Variants in SF3B3 observed in about 807,000 individuals in gnomAD.
The protein encoded by SF3B3 is splicing factor 3b subunit 3, also known as SAP 130.
SF3B3 carries 33 observed loss-of-function variants against 139.2 expected under a neutral mutation model. The ratio of observed to expected loss-of-function variants is 0.24; its 90% CI spans 0.18 to 0.32. SF3B3 has a LOEUF of 0.32. Ranked by LOEUF, SF3B3 falls within the 10% of genes least tolerant of loss-of-function variation. SF3B3 has a pLI of 1.00. For synonymous variants in SF3B3, 596 were observed against 563.6 expected, an observed-to-expected ratio of 1.06 and a Z score of -0.81; for missense variants, 818 against 1,509.4, an observed-to-expected ratio of 0.54 and a Z score of 7.59.
intron 25 of SF3B3, 47 bp from the exon 26 acceptor site, chr16:70,571,626 T>C (rs201304291): frequency 1.4e-5 from 22 of 1,581,852 alleles, no homozygotes; most frequent in Non-Finnish European, 1.7e-5. Flanking sequence ...GCCATTTTCT[T>C]TGGGCATCTC....
rs2050498155 is a variant in SF3B3, at chr16:70,568,487, A to G, written c.3157A>G (p.Ile1053Val). 2 of 1,613,242 alleles carry G rather than the reference A, an allele frequency of 1.2e-6. No individual in the cohort carries two copies. Among genetic ancestry groups the G allele is most frequent in the East Asian group, 2.2e-5 (1 of 44,876 alleles). The change falls in exon 22 of 26, where the codon ATA (isoleucine) becomes GTA (valine). Residue 1053 changes from isoleucine to valine, a missense_variant. By Grantham distance (29) the Ile-to-Val change is conservative. Coordinates refer to ENST00000302516, the MANE Select transcript of SF3B3 (RefSeq NM_012426.5). ...TVAGADKFGN[I>V]CVVRLPPNTN... ...GGCTGGGGCAGACAAGTTTGGCAACATATGTGTGGTGAGTTGATGTTGTTA... is the reference window on the plus strand; with the variant it reads ...GGCTGGGGCAGACAAGTTTGGCAACGTATGTGTGGTGAGTTGATGTTGTTA...
intron 9 of SF3B3, among the ~76,000 whole-genome samples, chr16:70,543,921 A>G (rs1252352901): frequency 6.6e-6 from 1 of 151,698 alleles, no homozygotes; most frequent in African/African-American, 2.4e-5. Flanking sequence ...TGGCACAGTT[A>G]CGACTCACTG....
intron 6 of SF3B3, chr16:70,537,890 A>G (rs2050183047): frequency 2.6e-6 from 1 of 389,434 alleles, no homozygotes; most frequent in Non-Finnish European, 5.1e-6. Flanking sequence ...TCTGGGCAAC[A>G]TAGTGAGACC....
Position 70,555,143 on chromosome 16 carries a change from G to T in SF3B3, c.1647G>T (p.Val549=). The T allele has an allele frequency of 6.2e-7, 1 of 1,614,094 alleles. No individual in the cohort carries two copies. The highest frequency in any genetic ancestry group is 8.5e-7 in the Non-Finnish European group (1 of 1,179,956). The change falls in exon 13 of 26, where the codon GTG becomes GTT. Residue 549 remains valine (V), a synonymous_variant. Coordinates refer to ENST00000302516, the MANE Select transcript of SF3B3 (RefSeq NM_012426.5). ...AGAAAACAATTGTGAAGTGTGCAGT[G>T]AACCAGCGACAAGTGGTGATTGCCC... is the stretch of plus-strand genomic sequence containing the variant. ...PGKKTIVKCA[V]NQRQVVIALT...
At chr16:70,556,617 G>A (rs1320594769) in intron 14 of SF3B3, 1 of 596,312 alleles carries the variant, frequency 1.7e-6, no homozygotes, top group Non-Finnish European at 2.9e-6. Flanking sequence ...ACTTGCTGCA[G>A]GACCCTAGGT....
intron 17 of SF3B3, among the ~76,000 whole-genome samples, chr16:70,562,310 T>G (rs1417734156): frequency 6.6e-6 from 1 of 152,198 alleles, no homozygotes; most frequent in Non-Finnish European, 1.5e-5. Flanking sequence ...CCTCAGGTTT[T>G]GGGGGGCTTT....
At chr16:70,541,975 A>G (rs1464526524) in intron 9 of SF3B3, 141 bp downstream of exon 9, 1 of 693,764 alleles carries the variant, frequency 1.4e-6, no homozygotes, top group African/African-American at 1.8e-5. Flanking sequence ...ACAAAAAACC[A>G]TTAATAAGTC....
intron 11 of SF3B3, among the ~76,000 whole-genome samples, chr16:70,553,015 A>T (rs180894136): frequency 2.0e-5 from 3 of 152,140 alleles, no homozygotes; most frequent in Non-Finnish European, 2.9e-5. Flanking sequence ...GGTTCAGGCA[A>T]TTCTGCTCAG....
chr16:70,574,939 A>G lies in SF3B3; in HGVS notation c.*3126A>G, dbSNP rs2050563326. On this transcript the variant is annotated 3_prime_UTR_variant, in exon 26 of 26. Transcript: ENST00000302516. Reference sequence around the variant, plus strand: ...GCTATATGTAGAGCTCAGAAGAAACATCTCTGCTGCTGAAATCAAACCTGG... The same window carrying G: ...GCTATATGTAGAGCTCAGAAGAAACGTCTCTGCTGCTGAAATCAAACCTGG... The G allele has an allele frequency of 6.6e-6, 1 of 152,230 alleles. No homozygotes were observed. Among genetic ancestry groups the G allele is most frequent in the African/African-American group, 2.4e-5 (1 of 41,446 alleles). The allele number at this position is 152,230 out of a possible 1,614,324, so 9.4% of individuals were successfully genotyped here.
chr16:70,557,212 AAG>A (rs1489284372), intron 15 of SF3B3, among the ~76,000 whole-genome samples, 183 bp downstream of exon 15: 3 of 152,210 alleles, frequency 2.0e-5, no homozygotes, highest in African/African-American at 7.2e-5. Flanking sequence ...CAGGCTGAGA[AAG>A]AAATATTTTG....
At chr16:70,536,812 T>C (rs917453059) in intron 6 of SF3B3, among the ~76,000 whole-genome samples, 7 of 148,552 alleles carry the variant, frequency 4.7e-5, no homozygotes, top group South Asian at 2.1e-4. Flanking sequence ...TCTTTCTTTT[T>C]TTTTTTTTTT....
chr16:70,573,334 TGCAG>T lies in SF3B3; in HGVS notation c.*1522_*1525del, dbSNP rs1024630496. ...TCTATCAAATTGTGTGATACTGACA[TGCAG>T]TCATCTGAGGAACTCAGCGTAGATA... On this transcript the variant is annotated 3_prime_UTR_variant, in exon 26 of 26. Coordinates refer to ENST00000302516, the MANE Select transcript of SF3B3 (RefSeq NM_012426.5). 27 of 152,356 alleles carry T rather than the reference TGCAG, an allele frequency of 1.8e-4. No individual in the cohort carries two copies. The highest frequency in any genetic ancestry group is 5.8e-4 in the African/African-American group (24 of 41,576). 9.4% of individuals were successfully genotyped at this position (152,356 alleles called of 1,614,324 possible).
rs1328915968 is a variant in SF3B3, at chr16:70,574,756, G to A, written c.*2943G>A. ...GGTCCACCTAGCTCAGCCTACCAAA[G>A]TGCTGTGATTACAGGCGTGAGCCAC... On this transcript the variant is annotated 3_prime_UTR_variant, in exon 26 of 26. Transcript: ENST00000302516. 1 of 152,222 alleles carries A rather than the reference G, an allele frequency of 6.6e-6. No homozygotes were observed. The highest frequency in any genetic ancestry group is 2.4e-5 in the African/African-American group (1 of 41,456). The allele number at this position is 152,222 out of a possible 1,614,324, so 9.4% of individuals were successfully genotyped here. A position where few individuals can be genotyped will look rare whatever the true frequency, so the allele number is the denominator to read the frequency against.
chr16:70,557,055 TG>T, intron 15 of SF3B3, 26 bp downstream of exon 15: 1 of 1,582,512 alleles, frequency 6.3e-7, no homozygotes. Flanking sequence ...GCCCACATTG[TG>T]GACATTAGGC....
chr16:70,570,126 C>G lies in SF3B3; in HGVS notation c.3385C>G (p.Leu1129Val). ...CACCTTGTCTGGAGGAATTGGCATC[C>G]TTGTGCCATTCACGTCCCATGAGGT... ...YTTLSGGIGI[L>V]VPFTSHEDHD... is the part of the protein sequence containing the mutation. Residue 1129 changes from leucine (L) to valine (V), a missense_variant, in exon 24 of 26, where the codon CTT becomes GTT. Around this residue, in one of 14 missense-constraint regions of SF3B3, gnomAD observed 91 missense variants for 171.8 expected, o/e 0.53. Transcript: ENST00000302516. 1 of 1,614,124 alleles carries G rather than the reference C, an allele frequency of 6.2e-7. No individual in the cohort carries two copies. The highest frequency in any genetic ancestry group is 8.5e-7 in the Non-Finnish European group (1 of 1,180,014).
intron 7 of SF3B3, 71 bp downstream of exon 7, chr16:70,538,531 C>G: frequency 2.3e-6 from 3 of 1,333,020 alleles, no homozygotes; most frequent in Non-Finnish European, 3.1e-6. Flanking sequence ...TAATACTTTA[C>G]AAGTTAAAAA....
At chr16:70,534,126 A>G (rs2050145654) in intron 5 of SF3B3, among the ~76,000 whole-genome samples, 1 of 152,256 alleles carries the variant, frequency 6.6e-6, no homozygotes, top group Non-Finnish European at 1.5e-5. Flanking sequence ...AATGTGTTAC[A>G]GAAAGCTTGC....
rs1227432013 is a variant in SF3B3 at position 70,563,963 on chromosome 16, T to C, written c.2376T>C (p.Pro792=). The change falls in exon 18 of 26, where the codon CCT becomes CCC. Residue 792 remains proline (P), a synonymous_variant. Coordinates refer to ENST00000302516, the MANE Select transcript of SF3B3 (RefSeq NM_012426.5). ...CACCCAGGAAATTTGTCATCCACCCTGAGAGTAACAACCTTATTATCATTG... is the reference window on the plus strand; with the variant it reads ...CACCCAGGAAATTTGTCATCCACCCCGAGAGTAACAACCTTATTATCATTG... ...QYTPRKFVIH[P]ESNNLIIIET... The C allele has an allele frequency of 6.8e-6, 11 of 1,614,194 alleles. No homozygotes were observed. The highest frequency in any genetic ancestry group is 9.3e-6 in the Non-Finnish European group (11 of 1,180,034).
Position 70,544,528 on chromosome 16 carries a change from C to CTT in SF3B3, c.1325_1326dup (p.Glu443LeufsTer38). The CTT allele has an allele frequency of 6.3e-7, 1 of 1,595,940 alleles. No homozygotes were observed. Among genetic ancestry groups the CTT allele is most frequent in the Non-Finnish European group, 8.6e-7 (1 of 1,163,596 alleles). ...ATCTCTGAGAGTCCTAAGACATGGA[C>CTT]TTGAGGTAAGGTTGCAATTTCTAGA... On this transcript the variant is annotated frameshift_variant, in exon 10 of 26. Transcript: ENST00000302516. LOFTEE classifies it high-confidence loss of function.
Sources: allele counts gnomAD v4.1 joint callset (sites outside exome capture counted in the v4.1 genomes callset), GRCh38; gene constraint gnomAD v4.1.1; regional missense constraint gnomAD v4.1.1; transcripts MANE v1.5; gene names NCBI Gene and HGNC (gene_info 2026-07-23, HGNC 2026-07-21).